Variants in C22orf15 observed in about 807,000 individuals in gnomAD.
C22orf15 encodes chromosome 22 open reading frame 15, also known as uncharacterized protein C22orf15.
Under a neutral mutation model 20.3 loss-of-function variants are expected in C22orf15, and 21 were observed. That is an observed-to-expected ratio of 1.04 (90% confidence interval 0.74 to 1.49). The LOEUF (loss-of-function observed/expected upper bound fraction) is 1.49, where lower values mean the gene tolerates loss of function less well. Ranked by LOEUF, C22orf15 falls within the 40% of genes most tolerant of loss-of-function variation. C22orf15 has a pLI of 0.00. For missense variants in C22orf15, 170 were observed against 191.1 expected (o/e 0.89, Z 0.65); for synonymous variants, 78 against 75.4 (o/e 1.03, Z -0.18).
At position 23,764,076 on chromosome 22, in the gene C22orf15, C is replaced by T; in HGVS notation, c.26-11C>T. 1 of 1,550,118 alleles carries T rather than the reference C, an allele frequency of 6.5e-7. No individual in the cohort carries two copies. ...GAGATCTCACAGGCTCACCTTTGCCCCTCTCCACAGCTGGCTGCTCGGTGC... is the reference window on the plus strand; with the variant it reads ...GAGATCTCACAGGCTCACCTTTGCCTCTCTCCACAGCTGGCTGCTCGGTGC... On this transcript the variant is annotated splice_polypyrimidine_tract_variant and intron_variant, in intron 1 of 5. Transcript: ENST00000402217.
In C22orf15 at chr22:23,762,999, C is replaced by T. The variant is rs915976969; in HGVS notation, c.-308C>T. ...AAGGCATTTCCTGCCTAGATGTCTC[C>T]GCCCCCACTGCCATGGAGACCAGCT... On this transcript the variant is annotated 5_prime_UTR_variant, in exon 1 of 6. Transcript: ENST00000402217. The T allele has an allele frequency of 1.2e-5, 5 of 430,658 alleles. No homozygotes were observed. The highest frequency in any genetic ancestry group is 4.8e-5 in the Admixed American group (1 of 20,904). 26.7% of individuals were successfully genotyped at this position (430,658 alleles called of 1,614,324 possible). A position where few individuals can be genotyped will look rare whatever the true frequency, so the allele number is the denominator to read the frequency against.
chr22:23,764,170 G>A lies in C22orf15; in HGVS notation c.109G>A (p.Asp37Asn). ...GAGGCAGAAAGCAGGGTTGCCCCCA[G>A]ATGGTGAGGAGACAGGGAGGAGAAG... is the stretch of plus-strand genomic sequence containing the variant. ...HLRQKAGLPP[D>N]ATIALLAEDG... is the part of the protein sequence containing the mutation. Residue 37 changes from aspartate (D) to asparagine (N), a missense_variant, in exon 2 of 6, where the codon GAT becomes AAT. Transcript: ENST00000402217. 2 of 1,551,720 alleles carry A rather than the reference G, an allele frequency of 1.3e-6. No individual in the cohort carries two copies. Among genetic ancestry groups the A allele is most frequent in the Non-Finnish European group, 1.7e-6 (2 of 1,146,988 alleles).
At chr22:23,765,031 G>A (rs1926530065) in intron 5 of C22orf15, 129 bp downstream of exon 5, 1 of 1,498,848 alleles carries the variant, frequency 6.7e-7, no homozygotes, top group Non-Finnish European at 8.8e-7. Context: ...ATGAGGGGCA[G>A]ACCCTCAACA....
In C22orf15 at chr22:23,764,077, C is replaced by T. The variant is rs1445017860; in HGVS notation, c.26-10C>T. The T allele has an allele frequency of 1.3e-6, 2 of 1,550,200 alleles. No individual in the cohort carries two copies. The highest frequency in any genetic ancestry group is 4.9e-5 in the East Asian group (2 of 40,918). On this transcript the variant is annotated splice_polypyrimidine_tract_variant and intron_variant, in intron 1 of 5. Coordinates refer to ENST00000402217, the MANE Select transcript of C22orf15 (RefSeq NM_182520.3). ...AGATCTCACAGGCTCACCTTTGCCC[C>T]TCTCCACAGCTGGCTGCTCGGTGCT...
intron 3 of C22orf15, 109 bp from the exon 4 acceptor site, chr22:23,764,530 C>A (rs969563923): frequency 1.3e-6 from 2 of 1,555,808 alleles, no homozygotes; most frequent in Non-Finnish European, 1.8e-6. Flanking sequence ...TCCATCCCTA[C>A]CCAATGCTCT....
At chr22:23,765,268 C>T (rs1228024694) in intron 5 of C22orf15, 8 of 1,508,144 alleles carry the variant, frequency 5.3e-6, no homozygotes, top group Non-Finnish European at 7.1e-6. Context: ...GTTTGAAGGG[C>T]TTGTTCTTCC....
At chr22:23,764,507 G>A (rs1175933431) in intron 3 of C22orf15, 110 bp downstream of exon 3, 6 of 1,561,290 alleles carry the variant, frequency 3.8e-6, no homozygotes, top group Non-Finnish European at 5.3e-6. Context: ...CTCGGCTGGG[G>A]ACCTAGCCCC....
intron 5 of C22orf15, chr22:23,765,505 G>A (rs986277655): frequency 6.4e-7 from 1 of 1,550,570 alleles, no homozygotes; most frequent in Non-Finnish European, 8.7e-7. Context: ...TGTGGGTGCA[G>A]AGAATGGGAT....
In C22orf15 at chr22:23,764,343, A is replaced by AT. The variant is rs3216082; in HGVS notation, c.197dup (p.Met66IlefsTer29). 1.9e-5 allele frequency: 29 copies of AT among 1,551,542 alleles called. No individual in the cohort carries two copies. The East Asian group carries it at 7.1e-4, about 38-fold the overall frequency. On this transcript the variant is annotated frameshift_variant, in exon 3 of 6. Transcript: ENST00000402217. LOFTEE classifies it high-confidence loss of function. ...GGAAGGGGCTTCCCGGGCCCAGACC[A>AT]TGGGCAACTCCCTACTGAAGGAGCG...
At chr22:23,765,079 T>C (rs979203259) in intron 5 of C22orf15, 177 bp downstream of exon 5, 2 of 1,450,378 alleles carry the variant, frequency 1.4e-6, no homozygotes, top group Non-Finnish European at 1.8e-6. Context: ...TGGAACACAC[T>C]GTACCCTGAG....
At chr22:23,765,556 C>G in intron 5 of C22orf15, 165 bp from the exon 6 acceptor site, 1 of 1,537,006 alleles carries the variant, frequency 6.5e-7, no homozygotes, top group Admixed American at 2.0e-5. Flanking sequence ...GCAGGTATCC[C>G]TGATAAGGGG....
Position 23,765,558 on chromosome 22 carries a change from G to T in C22orf15, c.436-163G>T, listed in dbSNP as rs1926656578. ...AAGGGTAGAGGTGGCAGGTATCCCT[G>T]ATAAGGGGGAGACCATGGGTTCATC... On this transcript the variant is annotated intron_variant, in intron 5 of 5. Transcript: ENST00000402217. 5.2e-6 allele frequency: 8 copies of T among 1,535,344 alleles called. No homozygotes were observed. The South Asian group carries it at 8.6e-5, about 16-fold the overall frequency.
chr22:23,765,829 C>T lies in C22orf15; in HGVS notation c.*97C>T. On this transcript the variant is annotated 3_prime_UTR_variant, in exon 6 of 6. Transcript: ENST00000402217. ...ACAGGCCATCGAGAGAGGCACACAA[C>T]AGGCTGTGGTCTAAAATAAACTTTT... The T allele has an allele frequency of 2.6e-6, 4 of 1,529,150 alleles. No homozygotes were observed. The highest frequency in any genetic ancestry group is 2.0e-5 in the Admixed American group (1 of 50,478). 94.7% of individuals were successfully genotyped at this position (1,529,150 alleles called of 1,614,324 possible). A position where few individuals can be genotyped will look rare whatever the true frequency, so the allele number is the denominator to read the frequency against.
chr22:23,765,055 C>T (rs2145921106), intron 5 of C22orf15, 153 bp downstream of exon 5: 8 of 1,473,776 alleles, frequency 5.4e-6, no homozygotes, highest in Non-Finnish European at 7.1e-6. Context: ...ACTCCACGCA[C>T]ATATACCCCC....
intron 3 of C22orf15, 110 bp from the exon 4 acceptor site, chr22:23,764,529 A>T: frequency 6.4e-7 from 1 of 1,555,684 alleles, no homozygotes; most frequent in Non-Finnish European, 8.9e-7. Context: ...ATCCATCCCT[A>T]CCCAATGCTC....
Position 23,765,736 on chromosome 22 carries a change from G to T in C22orf15, c.*4G>T. 6.4e-7 allele frequency: 1 copy of T among 1,550,872 alleles called. No homozygotes were observed. Among genetic ancestry groups the T allele is most frequent in the East Asian group, 2.4e-5 (1 of 40,906 alleles). ...CCCCACCCAGGGCCCTGATTAAGGG[G>T]ATGGATTGCACACTGTAGTGAGACA... On this transcript the variant is annotated 3_prime_UTR_variant, in exon 6 of 6. Transcript: ENST00000402217.
intron 1 of C22orf15, among the ~76,000 whole-genome samples, 192 bp from the exon 2 acceptor site, chr22:23,763,895 T>G (rs1378363834): frequency 6.6e-6 from 1 of 152,126 alleles, no homozygotes; most frequent in Non-Finnish European, 1.5e-5. Flanking sequence ...TCACCACACA[T>G]GGGAGATGGA....
At position 23,764,573 on chromosome 22, in the gene C22orf15, G is replaced by C. The variant is rs774929772; in HGVS notation, c.251-66G>C. On this transcript the variant is annotated intron_variant, in intron 3 of 5. Coordinates refer to ENST00000402217, the MANE Select transcript of C22orf15 (RefSeq NM_182520.3). Reference sequence around the variant, plus strand: ...GCCTGGACTAGCAAACAGTTCCAGAGTGAGAGGCAGAGTAGGGACCATTAG... The same window carrying C: ...GCCTGGACTAGCAAACAGTTCCAGACTGAGAGGCAGAGTAGGGACCATTAG... 5 of 1,585,032 alleles carry C rather than the reference G, an allele frequency of 3.2e-6. No individual in the cohort carries two copies. In the Admixed American group the frequency reaches 8.3e-5, roughly 26 times the overall value.
chr22:23,765,112 G>T (rs774253001), intron 5 of C22orf15: 16 of 1,436,072 alleles, frequency 1.1e-5, no homozygotes, highest in Non-Finnish European at 1.5e-5. Flanking sequence ...CACCCCACGG[G>T]AGTGCCAGCG....
Sources: allele counts gnomAD v4.1 joint callset (sites outside exome capture counted in the v4.1 genomes callset), GRCh38; gene constraint gnomAD v4.1.1; transcripts MANE v1.5; gene names NCBI Gene and HGNC (gene_info 2026-07-23, HGNC 2026-07-21).